The following HSPA4 variants were observed in gnomAD, a reference collection of about 807,000 sequenced individuals.
HSPA4 encodes heat shock protein family A (Hsp70) member 4, also known as heat shock 70 kDa protein 4.
In HSPA4, 25 loss-of-function variants were observed where a neutral mutation model predicts 106.2. The observed-to-expected ratio is 0.24, with a 90% CI of 0.17 to 0.33. The LOEUF (loss-of-function observed/expected upper bound fraction) is 0.33. HSPA4 is among the 10% of genes least tolerant of loss of function. HSPA4 has a pLI of 1.00. For missense variants in HSPA4, 841 were observed against 996.0 expected (o/e 0.84, Z 2.10); for synonymous variants, 332 against 333.6 (o/e 1.00, Z 0.05).
intron 3 of HSPA4, among the ~76,000 whole-genome samples, chr5:133,070,129 G>C (rs979758913): frequency 1.3e-5 from 2 of 151,892 alleles, no homozygotes; most frequent in Non-Finnish European, 2.9e-5. Context: ...ATCATGCCAC[G>C]GCGCTCCAGA....
chr5:133,076,718 A>G lies in HSPA4; in HGVS notation c.728A>G (p.His243Arg). The change falls in exon 7 of 19, where the codon CAC becomes CGC. Residue 243 changes from histidine (H) to arginine (R), a missense_variant. By Grantham distance (29) the His-to-Arg change is conservative. Transcript: ENST00000304858. ...AAATTTGATGAAGTGTTAGTAAATC[A>G]CTTCTGTGAAGAATTTGGGAAGAAA... ...GRKFDEVLVN[H>R]FCEEFGKKYK... 1.2e-6 allele frequency: 2 copies of G among 1,613,708 alleles called. No homozygotes were observed. Among genetic ancestry groups the G allele is most frequent in the Non-Finnish European group, 1.7e-6 (2 of 1,179,652 alleles).
At chr5:133,082,442 CTTTATT>C (rs1241228423) in intron 7 of HSPA4, among the ~76,000 whole-genome samples, 2 of 152,042 alleles carry the variant, frequency 1.3e-5, no homozygotes, top group Non-Finnish European at 2.9e-5. Flanking sequence ...TAATTACATA[CTTTATT>C]TTTATCTTTT....
At chr5:133,082,776 T>C (rs895994454) in intron 7 of HSPA4, among the ~76,000 whole-genome samples, 1 of 152,130 alleles carries the variant, frequency 6.6e-6, no homozygotes, top group Admixed American at 6.5e-5. Flanking sequence ...TTATATACTT[T>C]AAATGGGTGA....
intron 1 of HSPA4, among the ~76,000 whole-genome samples, chr5:133,053,440 C>T (rs1437590197): frequency 1.3e-5 from 2 of 150,402 alleles, no homozygotes; most frequent in African/African-American, 2.5e-5. Flanking sequence ...CTCCCTGGCT[C>T]CTGGCTCAGG....
In HSPA4 at chr5:133,104,428, A is replaced by G. The variant is rs770596957; in HGVS notation, c.2515A>G (p.Ile839Val). ...DSDKKLPEMD[I>V]D Reference sequence around the variant, plus strand: ...AGACAAGAAGCTTCCTGAAATGGACATTGATTGATTCCAACACTTGTTTCT... The same window carrying G: ...AGACAAGAAGCTTCCTGAAATGGACGTTGATTGATTCCAACACTTGTTTCT... The change falls in exon 19 of 19, where the codon ATT (isoleucine) becomes GTT (valine). Residue 839 changes from isoleucine (I) to valine (V), a missense_variant. By Grantham distance (29) the Ile-to-Val change is conservative. Coordinates refer to ENST00000304858, the MANE Select transcript of HSPA4 (RefSeq NM_002154.4). 12 of 1,613,470 alleles carry G rather than the reference A, an allele frequency of 7.4e-6. 1 individual carries two copies. Among genetic ancestry groups the G allele is most frequent in the South Asian group, 5.5e-5 (5 of 91,050 alleles).
At chr5:133,062,552 C>T (rs1475390787) in intron 1 of HSPA4, among the ~76,000 whole-genome samples, 7 of 152,000 alleles carry the variant, frequency 4.6e-5, no homozygotes, top group Admixed American at 4.6e-4. Context: ...GAGACATTTA[C>T]GTGGTAGTGA....
rs950629834 is a variant in HSPA4 at position 133,104,894 on chromosome 5, G to A, written c.*458G>A. 3.5e-5 allele frequency: 6 copies of A among 172,024 alleles called. No individual in the cohort carries two copies. Among genetic ancestry groups the A allele is most frequent in the African/African-American group, 1.4e-4 (6 of 41,576 alleles). 10.7% of individuals were successfully genotyped at this position (172,024 alleles called of 1,614,324 possible). On this transcript the variant is annotated 3_prime_UTR_variant, in exon 19 of 19. Transcript: ENST00000304858. ...TGGGGTCCCCCTCTTTGTGAGGGCTGGAGCATGGCACGGCATGGATTAACA... is the reference window on the plus strand; with the variant it reads ...TGGGGTCCCCCTCTTTGTGAGGGCTAGAGCATGGCACGGCATGGATTAACA...
At chr5:133,062,808 G>C (rs1369086488) in intron 1 of HSPA4, among the ~76,000 whole-genome samples, 1 of 152,134 alleles carries the variant, frequency 6.6e-6, no homozygotes, top group Non-Finnish European at 1.5e-5. Context: ...CTGGGAGATT[G>C]GCTTACAGGG....
rs748544547 is a variant in HSPA4 at position 133,103,848 on chromosome 5, C to A, written c.2158-17C>A. On this transcript the variant is annotated splice_polypyrimidine_tract_variant and intron_variant, in intron 17 of 18. Transcript: ENST00000304858. ...TATCACACTTTTAGCACTTGTTTGACTGTCTCCTGGTTGCAGGAGGACCAG... is the reference window on the plus strand; with the variant it reads ...TATCACACTTTTAGCACTTGTTTGAATGTCTCCTGGTTGCAGGAGGACCAG... 15 of 1,607,416 alleles carry A rather than the reference C, an allele frequency of 9.3e-6. No homozygotes were observed. Among genetic ancestry groups the A allele is most frequent in the Admixed American group, 1.7e-5 (1 of 58,790 alleles).
chr5:133,066,476 T>G (rs1765306536), intron 2 of HSPA4, among the ~76,000 whole-genome samples: 1 of 152,232 alleles, frequency 6.6e-6, no homozygotes, highest in South Asian at 2.1e-4. Flanking sequence ...AGTCACCTGT[T>G]CAACCATTAT....
At chr5:133,088,994 ATAT>A (rs1170651040) in intron 9 of HSPA4, 58 bp from the exon 10 acceptor site, 1 of 765,244 alleles carries the variant, frequency 1.3e-6, no homozygotes. Flanking sequence ...TGTTTAAGTG[ATAT>A]TATCAGTTTA....
chr5:133,095,251 C>T (rs1765696184), intron 13 of HSPA4, among the ~76,000 whole-genome samples: 1 of 152,044 alleles, frequency 6.6e-6, no homozygotes, highest in African/African-American at 2.4e-5. Context: ...GCAGTGAGCT[C>T]AGATTGTGCC....
intron 6 of HSPA4, among the ~76,000 whole-genome samples, chr5:133,076,409 G>GCTTTGTGAACTGCAGTTTATCT (rs1765446389): frequency 6.6e-6 from 1 of 152,164 alleles, no homozygotes; most frequent in Non-Finnish European, 1.5e-5. Flanking sequence ...CCACTTAGTA[G>GCTTTGTGAACTGCAGTTTATCT]CTTTGTGAAC....
chr5:133,090,677 A>G (rs1765636412), intron 11 of HSPA4, among the ~76,000 whole-genome samples: 1 of 152,122 alleles, frequency 6.6e-6, no homozygotes, highest in Non-Finnish European at 1.5e-5. Flanking sequence ...TGGAAAGTTA[A>G]CCTATTCTTT....
intron 16 of HSPA4, among the ~76,000 whole-genome samples, chr5:133,100,499 C>G (rs1765771297): frequency 6.6e-6 from 1 of 152,026 alleles, no homozygotes; most frequent in Admixed American, 6.6e-5. Flanking sequence ...CGGGTTCACG[C>G]CATTCTCCTG....
chr5:133,068,376 A>G (rs1209630174), intron 3 of HSPA4, among the ~76,000 whole-genome samples: 3 of 151,662 alleles, frequency 2.0e-5, no homozygotes, highest in Non-Finnish European at 4.4e-5. Flanking sequence ...TGGGAGATGG[A>G]TAGGGTGGAC....
chr5:133,093,331 A>C (rs1224265449), intron 13 of HSPA4, among the ~76,000 whole-genome samples: 1 of 152,066 alleles, frequency 6.6e-6, no homozygotes, highest in Non-Finnish European at 1.5e-5. Flanking sequence ...GGAAGAAAGC[A>C]CTCAGGAATC....
intron 8 of HSPA4, among the ~76,000 whole-genome samples, chr5:133,087,314 T>C (rs1284502536): frequency 6.6e-6 from 1 of 152,252 alleles, no homozygotes; most frequent in Non-Finnish European, 1.5e-5. Context: ...CTAATTTTCC[T>C]AAAATCTTTC....
chr5:133,053,076 C>A (rs1190810305), intron 1 of HSPA4: 8 of 152,190 alleles, frequency 5.3e-5, no homozygotes, highest in Non-Finnish European at 8.8e-5. Flanking sequence ...TGCACTTTAA[C>A]GATAATGCAT....
Sources: gnomAD v4.1 joint callset for allele counts (sites outside exome capture counted in the v4.1 genomes callset) on GRCh38, gnomAD v4.1.1 for gene constraint, MANE v1.5 for transcripts, NCBI Gene and HGNC (gene_info 2026-07-23, HGNC 2026-07-21) for gene names.